ARIH2: variants seen among roughly 807,000 people sequenced by gnomAD.
ARIH2 encodes E3 ubiquitin-protein ligase ARIH2.
Under a neutral mutation model 79.8 loss-of-function variants are expected in ARIH2, and 12 were observed. The observed-to-expected ratio is 0.15, with a 90% CI of 0.10 to 0.24. The LOEUF (loss-of-function observed/expected upper bound fraction) is 0.24. Among genes scored for constraint, ARIH2 ranks in the 10% least tolerant of loss-of-function variants. ARIH2 has a pLI of 1.00. For missense variants in ARIH2, 301 were observed against 618.3 expected, an observed-to-expected ratio of 0.49 and a Z score of 5.44; for synonymous variants, 224 against 213.9, an observed-to-expected ratio of 1.05 and a Z score of -0.41.
At chr3:48,979,928 C>A (rs922481976) in intron 12 of ARIH2, 42 of 266,080 alleles carry the variant, frequency 1.6e-4, no homozygotes, top group African/African-American at 8.1e-4. Flanking sequence ...TTTTTTTTTT[C>A]TTTTTTCTAC....
intron 8 of ARIH2, among the ~76,000 whole-genome samples, chr3:48,971,869 G>T (rs1237283037): frequency 1.3e-5 from 2 of 152,112 alleles, no homozygotes; most frequent in Non-Finnish European, 2.9e-5. Flanking sequence ...CTTTCCCTGG[G>T]TATTTGCCTG....
At chr3:48,966,151 A>G (rs1372784822) in intron 5 of ARIH2, among the ~76,000 whole-genome samples, 1 of 152,150 alleles carries the variant, frequency 6.6e-6, no homozygotes, top group African/African-American at 2.4e-5. Flanking sequence ...TAGGAGCTAA[A>G]CGAACATATG....
intron 3 of ARIH2, among the ~76,000 whole-genome samples, chr3:48,939,342 C>T (rs2107180327): frequency 6.6e-6 from 1 of 152,200 alleles, no homozygotes; most frequent in African/African-American, 2.4e-5. Flanking sequence ...CATTTATCAT[C>T]TGGGGGCCCT....
chr3:48,942,113 T>C (rs2088377815), intron 3 of ARIH2, among the ~76,000 whole-genome samples: 1 of 150,588 alleles, frequency 6.6e-6, no homozygotes, highest in Admixed American at 6.7e-5. Flanking sequence ...TGCAGTTAAG[T>C]TATCTTAGCT....
At chr3:48,938,913 CAAAAAAAAAA>C (rs1158929356) in intron 3 of ARIH2, among the ~76,000 whole-genome samples, 2 of 54,392 alleles carry the variant, frequency 3.7e-5, no homozygotes, top group African/African-American at 7.3e-5. Flanking sequence ...GTCTTTAGAC[CAAAAAAAAAA>C]AAAAAAAAAA....
intron 4 of ARIH2, among the ~76,000 whole-genome samples, chr3:48,964,133 C>T (rs1433130828): frequency 5.9e-5 from 9 of 151,850 alleles, no homozygotes; most frequent in African/African-American, 2.2e-4. Flanking sequence ...CAGGTTCAAG[C>T]GATCCTCCTG....
chr3:48,931,491 G>A (rs1021040252), intron 3 of ARIH2, among the ~76,000 whole-genome samples: 8 of 151,928 alleles, frequency 5.3e-5, no homozygotes, highest in African/African-American at 1.9e-4. Context: ...AGAGGTTGCA[G>A]TGAGATGAGA....
intron 3 of ARIH2, among the ~76,000 whole-genome samples, chr3:48,955,475 AG>A (rs1368174138): frequency 6.6e-6 from 1 of 152,316 alleles, no homozygotes; most frequent in Middle Eastern, 3.4e-3. Flanking sequence ...TCATTACAAC[AG>A]CCCAGCAAGA....
At chr3:48,981,545 A>G (rs544675392) in intron 13 of ARIH2, 115 bp from the exon 14 acceptor site, 9 of 723,676 alleles carry the variant, frequency 1.2e-5, no homozygotes, top group East Asian at 5.7e-5. Flanking sequence ...TTTCAGGCCT[A>G]TATCTATAGA....
chr3:48,948,744 C>A (rs538583911), intron 3 of ARIH2, among the ~76,000 whole-genome samples: 1 of 152,198 alleles, frequency 6.6e-6, no homozygotes, highest in South Asian at 2.1e-4. Flanking sequence ...GACTACTGAT[C>A]TTCTGTCTCA....
intron 12 of ARIH2, 168 bp downstream of exon 12, chr3:48,979,801 C>A: frequency 1.4e-6 from 1 of 693,684 alleles, no homozygotes; most frequent in Non-Finnish European, 2.4e-6. Flanking sequence ...GCCTTTCAAG[C>A]TCTATAGGGT....
At chr3:48,959,639 T>TA (rs2091023363) in intron 3 of ARIH2, among the ~76,000 whole-genome samples, 1 of 9,246 alleles carries the variant, frequency 1.1e-4, no homozygotes. Flanking sequence ...CCGTCTCTAC[T>TA]AAAAAATACC....
At chr3:48,919,446 AG>A in intron 1 of ARIH2, 1 of 276,422 alleles carries the variant, frequency 3.6e-6, no homozygotes. Flanking sequence ...CGGCGCCCCT[AG>A]GGATGTGCGG....
rs937222652 is a variant in ARIH2 at position 48,919,912 on chromosome 3, G to A, written c.-162+914G>A. On this transcript the variant is annotated intron_variant, in intron 1 of 15. Transcript: ENST00000356401. The stretch of plus-strand genomic sequence containing the variant: ...AAAACTTACGTGTTCTGTGCGTGGT[G>A]GGCAAGCCCAGGATGGTTGGTTGTT... Among the ~76,000 whole-genome samples, 6 of 152,012 alleles carry A rather than the reference G, an allele frequency of 3.9e-5. No individual in the cohort carries two copies. In the Admixed American group the frequency reaches 3.9e-4, roughly 10 times the overall value.
chr3:48,967,698 A>G (rs1362760413), intron 6 of ARIH2, among the ~76,000 whole-genome samples: 1 of 152,250 alleles, frequency 6.6e-6, no homozygotes, highest in African/African-American at 2.4e-5. Context: ...ACACATTAGC[A>G]TCGCATTAAT....
intron 13 of ARIH2, 63 bp from the exon 14 acceptor site, chr3:48,981,597 C>A: frequency 7.3e-7 from 1 of 1,373,952 alleles, no homozygotes; most frequent in Non-Finnish European, 1.0e-6. Flanking sequence ...TTGTAAGAGC[C>A]ACCTGAGATG....
At chr3:48,934,969 T>G (rs1415039994) in intron 3 of ARIH2, 61 of 972,526 alleles carry the variant, frequency 6.3e-5, no homozygotes, top group East Asian at 1.1e-4. Context: ...TGTGTGTTTG[T>G]TTTTTTTTGA....
chr3:48,980,300 C>T (rs2092702972), intron 12 of ARIH2, 53 bp from the exon 13 acceptor site: 1 of 1,594,572 alleles, frequency 6.3e-7, no homozygotes, highest in Non-Finnish European at 8.5e-7. Context: ...CTGTGTAGAC[C>T]TCTGCACCTT....
chr3:48,983,374 C>G lies in ARIH2; in HGVS notation c.*104C>G. 3.7e-6 allele frequency: 4 copies of G among 1,091,120 alleles called. No individual in the cohort carries two copies. The South Asian group carries it at 3.8e-5, about 10-fold the overall frequency. The allele number at this position is 1,091,120 out of a possible 1,614,324, so 67.6% of individuals were successfully genotyped here. A position where few individuals can be genotyped will look rare whatever the true frequency, so the allele number is the denominator to read the frequency against. On this transcript the variant is annotated 3_prime_UTR_variant, in exon 16 of 16. Coordinates refer to ENST00000356401, the MANE Select transcript of ARIH2 (RefSeq NM_006321.4). ...TGCCTTTCATGACCCCAGGCAACAG[C>G]CAGGGCCCCACTCCTGAGAGACACT...
Sources: allele counts gnomAD v4.1 joint callset (sites outside exome capture counted in the v4.1 genomes callset), GRCh38; gene constraint gnomAD v4.1.1; transcripts MANE v1.5; gene names NCBI Gene and HGNC (gene_info 2026-07-23, HGNC 2026-07-21).